The following CTTNBP2 variants were observed in gnomAD, a reference collection of about 807,000 sequenced individuals.
CTTNBP2 encodes cortactin-binding protein 2.
Under a neutral mutation model 156.9 loss-of-function variants are expected in CTTNBP2, and 108 were observed. The observed-to-expected ratio is 0.69, with a 90% CI of 0.59 to 0.81. The LOEUF is 0.81. CTTNBP2 is among the 30% of genes least tolerant of loss of function. The probability of loss-of-function intolerance (pLI) is 0.00; values close to 1 mark genes in which losing one functional copy is unlikely to be tolerated. For missense variants in CTTNBP2, 1,924 were observed against 2,035.4 expected (o/e 0.95, Z 1.05); for synonymous variants, 767 against 751.8 (o/e 1.02, Z -0.33).
At chr7:117,836,733 T>C (rs994517548) in intron 2 of CTTNBP2, among the ~76,000 whole-genome samples, 6 of 152,164 alleles carry the variant, frequency 3.9e-5, no homozygotes, top group African/African-American at 7.2e-5. Flanking sequence ...AGGGGTTTAA[T>C]TAATTCACAG....
chr7:117,775,247 A>T (rs1798028479), intron 8 of CTTNBP2, among the ~76,000 whole-genome samples: 1 of 152,176 alleles, frequency 6.6e-6, no homozygotes, highest in Non-Finnish European at 1.5e-5. Flanking sequence ...CCACTTAAAA[A>T]AATCTCTTTC....
rs201767012 is a variant in CTTNBP2, at chr7:117,777,565, G to A, written c.2724C>T (p.His908=). 97 of 1,613,906 alleles carry A rather than the reference G, an allele frequency of 6.0e-5. No individual in the cohort carries two copies. The highest frequency in any genetic ancestry group is 1.7e-4 in the Middle Eastern group (1 of 5,970). The change falls in exon 8 of 23, where the codon CAC becomes CAT. Residue 908 remains histidine, a synonymous_variant. Transcript: ENST00000160373. ...CAGCAGTCCAGCCTTCTCTGTTGGC[G>A]TGGTTAATGAGGTCTGCAGGAACAA... is the stretch of plus-strand genomic sequence containing the variant. ...KPVVPADLIN[H]ANREGWTAAH...
chr7:117,810,821 T>G lies in CTTNBP2; in HGVS notation c.358A>C (p.Lys120Gln). Residue 120 changes from lysine (K) to glutamine (Q), a missense_variant, in exon 3 of 23, where the codon AAA becomes CAA. Transcript: ENST00000160373. ...ILEAVMAHCK[K>Q]MQERMSAQLA... The stretch of plus-strand genomic sequence containing the variant: ...TGTGCGGACATCCTTTCTTGCATTT[T>G]CTTGCAGTGGGCCATGACTGCTTCA... 6.2e-7 allele frequency: 1 copy of G among 1,614,072 alleles called. No homozygotes were observed. The highest frequency in any genetic ancestry group is 1.3e-5 in the African/African-American group (1 of 75,040).
intron 8 of CTTNBP2, among the ~76,000 whole-genome samples, chr7:117,774,104 T>A (rs1037828554): frequency 6.6e-6 from 1 of 152,178 alleles, no homozygotes; most frequent in Non-Finnish European, 1.5e-5. Context: ...TCTATTCACA[T>A]GAAATGATGG....
intron 8 of CTTNBP2, among the ~76,000 whole-genome samples, chr7:117,770,056 CTAT>C (rs1380330977): frequency 6.6e-6 from 1 of 152,156 alleles, no homozygotes; most frequent in Non-Finnish European, 1.5e-5. Flanking sequence ...TTATTAGTAG[CTAT>C]TATTATTACT....
chr7:117,804,736 C>T (rs1366332903), intron 3 of CTTNBP2, among the ~76,000 whole-genome samples: 1 of 152,146 alleles, frequency 6.6e-6, no homozygotes. Context: ...CACATAGACA[C>T]AGGGAGGGGC....
intron 12 of CTTNBP2, 62 bp from the exon 13 acceptor site, chr7:117,746,161 G>A: frequency 1.8e-6 from 2 of 1,101,090 alleles, no homozygotes; most frequent in Admixed American, 3.7e-5. Flanking sequence ...GAAAAAAGTG[G>A]TACACAGGTG....
chr7:117,731,029 A>G (rs2116462279), intron 16 of CTTNBP2, among the ~76,000 whole-genome samples: 1 of 152,288 alleles, frequency 6.6e-6, no homozygotes, highest in East Asian at 1.9e-4. Flanking sequence ...AGAAGGGGTA[A>G]GAGAATTTTA....
intron 2 of CTTNBP2, among the ~76,000 whole-genome samples, chr7:117,821,924 T>G (rs760888703): frequency 6.6e-6 from 1 of 152,152 alleles, no homozygotes; most frequent in Non-Finnish European, 1.5e-5. Context: ...GTTATGAGTA[T>G]TACTCTGTAA....
At chr7:117,771,762 A>G (rs1017652618) in intron 8 of CTTNBP2, among the ~76,000 whole-genome samples, 1 of 152,330 alleles carries the variant, frequency 6.6e-6, no homozygotes, top group Admixed American at 6.5e-5. Flanking sequence ...GTAACTGTTC[A>G]GAGGAGATGG....
At chr7:117,799,722 T>C (rs1584444773) in intron 3 of CTTNBP2, among the ~76,000 whole-genome samples, 1 of 152,184 alleles carries the variant, frequency 6.6e-6, no homozygotes, top group East Asian at 1.9e-4. Context: ...ATAAGTAAAA[T>C]GTTCTCTATA....
chr7:117,820,077 C>G lies in CTTNBP2; in HGVS notation c.190-9088G>C, dbSNP rs73477483. The stretch of plus-strand genomic sequence containing the variant: ...TGCCACTTACCACCTTGCACACATT[C>G]ATTAGTGCTCATGCTCTGATGTGGG... On this transcript the variant is annotated intron_variant, in intron 2 of 22. Transcript: ENST00000160373. Among the ~76,000 whole-genome samples the G allele has an allele frequency of 9.8e-3, 1,486 of 152,360 alleles. 22 individuals are homozygous for G. Among genetic ancestry groups the G allele is most frequent in the African/African-American group, 0.034 (1,405 of 41,584 alleles).
chr7:117,751,316 G>A (rs1268933080), intron 12 of CTTNBP2, among the ~76,000 whole-genome samples: 1 of 152,186 alleles, frequency 6.6e-6, no homozygotes, highest in Non-Finnish European at 1.5e-5. Context: ...ATAGTGTGAG[G>A]AAAAGGAACT....
intron 8 of CTTNBP2, among the ~76,000 whole-genome samples, chr7:117,776,683 A>G (rs891395176): frequency 2.0e-5 from 3 of 152,190 alleles, no homozygotes; most frequent in African/African-American, 7.2e-5. Flanking sequence ...CCTGAGCCTA[A>G]CATTCCTGGA....
At chr7:117,732,378 T>C (rs1370003560) in intron 16 of CTTNBP2, among the ~76,000 whole-genome samples, 1 of 152,068 alleles carries the variant, frequency 6.6e-6, no homozygotes, top group Admixed American at 6.5e-5. Flanking sequence ...GGGCTGGGCA[T>C]GGTGGCTCAC....
intron 21 of CTTNBP2, 89 bp from the exon 22 acceptor site, chr7:117,718,208 G>C (rs1431466386): frequency 4.5e-5 from 35 of 773,044 alleles, no homozygotes; most frequent in Non-Finnish European, 7.2e-5. Flanking sequence ...AATCACAGCA[G>C]AAGTGTTACT....
chr7:117,791,879 T>G lies in CTTNBP2; in HGVS notation c.1317A>C (p.Pro439=). The G allele has an allele frequency of 6.2e-7, 1 of 1,614,198 alleles. No individual in the cohort carries two copies. The highest frequency in any genetic ancestry group is 1.1e-5 in the South Asian group (1 of 91,088). ...CTGCTTGGATTCGTGGGTTTAGACC[T>G]GGATGCAAAGAGGTGTTGGCACATG... ...HSPCANTSLH[P]GLNPRIQAAR... Residue 439 remains proline (P), a synonymous_variant, in exon 4 of 23, where the codon CCA becomes CCC. Coordinates refer to ENST00000160373, the MANE Select transcript of CTTNBP2 (RefSeq NM_033427.3).
intron 16 of CTTNBP2, among the ~76,000 whole-genome samples, chr7:117,730,674 T>C (rs1013148812): frequency 6.6e-6 from 1 of 152,132 alleles, no homozygotes; most frequent in Non-Finnish European, 1.5e-5. Flanking sequence ...ACTCTACTGG[T>C]TTTTTTCTTG....
At position 117,760,460 on chromosome 7, in the gene CTTNBP2, T is replaced by C. The variant is rs1047259718; in HGVS notation, c.3147A>G (p.Ala1049=). The C allele has an allele frequency of 2.1e-5, 34 of 1,614,002 alleles. No homozygotes were observed. Among genetic ancestry groups the C allele is most frequent in the Non-Finnish European group, 2.8e-5 (33 of 1,179,968 alleles). The part of the protein sequence containing the change: ...NTTDSNIGLS[A]RSIRSITLGN... ...CTAGCGTGATGGATCGTATGCTTCTTGCACTGAGGCCGATGTTGGAATCAG... is the reference window on the plus strand; with the variant it reads ...CTAGCGTGATGGATCGTATGCTTCTCGCACTGAGGCCGATGTTGGAATCAG... Residue 1049 remains alanine (A), a synonymous_variant, in exon 10 of 23, where the codon GCA becomes GCG. Transcript: ENST00000160373.
Sources: gnomAD v4.1 joint callset for allele counts (sites outside exome capture counted in the v4.1 genomes callset) on GRCh38, gnomAD v4.1.1 for gene constraint, MANE v1.5 for transcripts, NCBI Gene and HGNC (gene_info 2026-07-23, HGNC 2026-07-21) for gene names.